Variants in KALRN observed in about 807,000 individuals in gnomAD.
KALRN encodes kalirin RhoGEF kinase, also known as kalirin.
Under a neutral mutation model 353.7 loss-of-function variants are expected in KALRN, and 70 were observed. That is an observed-to-expected ratio of 0.20 (90% confidence interval 0.16 to 0.24). The LOEUF (loss-of-function observed/expected upper bound fraction) is 0.24, where lower values mean the gene tolerates loss of function less well. KALRN is among the 10% of genes least tolerant of loss of function. KALRN has a pLI of 1.00. For missense variants in KALRN, 2,791 were observed against 3,756.7 expected (o/e 0.74, Z 6.72); for synonymous variants, 1,391 against 1,434.8 (o/e 0.97, Z 0.69).
rs569014361 is a variant in KALRN, at chr3:124,420,146, G to A, written c.2543-2666G>A. The stretch of plus-strand genomic sequence containing the variant: ...TGTCTTCATCCATTTTATTTCCTGT[G>A]TTTTTCTCACATAAAACAACATCAA... On this transcript the variant is annotated intron_variant, in intron 14 of 59. Coordinates refer to ENST00000682506, the MANE Select transcript of KALRN (RefSeq NM_001388419.1). 5.3e-5 allele frequency among the ~76,000 whole-genome samples: 8 copies of A among 152,310 alleles called. No individual in the cohort carries two copies. In the South Asian group the frequency reaches 1.7e-3, roughly 32 times the overall value.
intron 1 of KALRN, among the ~76,000 whole-genome samples, 200 bp downstream of exon 1, chr3:124,034,013 G>A (rs1057076366): frequency 6.6e-6 from 1 of 151,618 alleles, no homozygotes; most frequent in African/African-American, 2.4e-5. Context: ...GTGGGGGCTG[G>A]GAACTCCGCG....
chr3:124,647,809 C>T (rs1178508578), intron 37 of KALRN, among the ~76,000 whole-genome samples: 2 of 152,156 alleles, frequency 1.3e-5, no homozygotes, highest in Non-Finnish European at 2.9e-5. Flanking sequence ...TATAGGTGCC[C>T]AGAGAGGGGG....
intron 3 of KALRN, among the ~76,000 whole-genome samples, chr3:124,262,071 C>G (rs1488439247): frequency 6.6e-6 from 1 of 152,014 alleles, no homozygotes; most frequent in Non-Finnish European, 1.5e-5. Context: ...AATTCTATGA[C>G]CAGTGCTGGT....
chr3:124,113,466 G>A lies in KALRN; in HGVS notation c.73+79653G>A, dbSNP rs1006210354. On this transcript the variant is annotated intron_variant, in intron 1 of 59. Transcript: ENST00000682506. ...ATAGAATATGCATGTGAGGATCTGG[G>A]CTTTGAAAGAGGATAATCAAAAGTT... Among the ~76,000 whole-genome samples, 6 of 152,332 alleles carry A rather than the reference G, an allele frequency of 3.9e-5. No homozygotes were observed. In the South Asian group the frequency reaches 8.3e-4, roughly 21 times the overall value.
In KALRN at chr3:124,152,577, C is replaced by CTTTTCTTTTCT. The variant is rs112711226; in HGVS notation, c.74-75410_74-75409insTCTTTTCTTTT. 2.9e-4 allele frequency: 160 copies of CTTTTCTTTTCT among 561,200 alleles called. No homozygotes were observed. In the African/African-American group the frequency reaches 3.7e-3, roughly 13 times the overall value. The allele number at this position is 561,200 out of a possible 1,614,324, so 34.8% of individuals were successfully genotyped here. A position where few individuals can be genotyped will look rare whatever the true frequency, so the allele number is the denominator to read the frequency against. On this transcript the variant is annotated intron_variant, in intron 1 of 59. Coordinates refer to ENST00000682506, the MANE Select transcript of KALRN (RefSeq NM_001388419.1). The stretch of plus-strand genomic sequence containing the variant: ...CTTTTCTTTTCTTTTCTTTTCTTTT[C>CTTTTCTTTTCT]TTTCTTTCTTTCTTTCTTTTTTTTT...
At chr3:124,144,317 C>T (rs1367200067) in intron 1 of KALRN, among the ~76,000 whole-genome samples, 1 of 152,102 alleles carries the variant, frequency 6.6e-6, no homozygotes, top group Non-Finnish European at 1.5e-5. Flanking sequence ...GGCACGCATT[C>T]CCAGCAGAGA....
At chr3:124,501,435 G>A (rs190607871) in intron 33 of KALRN, among the ~76,000 whole-genome samples, 118 of 152,280 alleles carry the variant, frequency 7.7e-4, no homozygotes, top group Non-Finnish European at 1.1e-3. Context: ...CAATGTAGTG[G>A]GTCATGACCA....
chr3:124,689,575 C>A (rs2061717540), intron 51 of KALRN, among the ~76,000 whole-genome samples: 1 of 152,070 alleles, frequency 6.6e-6, no homozygotes. Context: ...CAACCTGTTT[C>A]TAAGGAAGGA....
Position 124,269,107 on chromosome 3 carries a change from C to A in KALRN, c.821C>A (p.Ala274Asp). 6.2e-7 allele frequency: 1 copy of A among 1,613,170 alleles called. No individual in the cohort carries two copies. The highest frequency in any genetic ancestry group is 8.5e-7 in the Non-Finnish European group (1 of 1,179,750). ...FSGRNCIPGS[A>D]DFQSLVPKIT... Reference sequence around the variant, plus strand: ...GGACGCAACTGCATCCCGGGCAGTGCTGACTTCCAGAGCCTGGTGCCCAAG... The same window carrying A: ...GGACGCAACTGCATCCCGGGCAGTGATGACTTCCAGAGCCTGGTGCCCAAG... Residue 274 changes from alanine (A) to aspartate (D), a missense_variant, in exon 5 of 60, where the codon GCT becomes GAT. By Grantham distance (126) the Ala-to-Asp change is moderately radical (BLOSUM62 -2). Around this residue, in one of 11 missense-constraint regions of KALRN, gnomAD observed 366 missense variants for 489.2 expected, o/e 0.75. Transcript: ENST00000682506.
intron 3 of KALRN, among the ~76,000 whole-genome samples, chr3:124,243,480 G>T (rs779697220): frequency 1.3e-5 from 2 of 152,210 alleles, no homozygotes; most frequent in Non-Finnish European, 2.9e-5. Context: ...TGCCTGTAGC[G>T]ATAAATCAAG....
rs1361569918 is a variant in KALRN, at chr3:124,347,320, G to GTGTGTGTA, written c.1770+56_1770+57insGTGTGTAT. On this transcript the variant is annotated intron_variant, in intron 10 of 59. Coordinates refer to ENST00000682506, the MANE Select transcript of KALRN (RefSeq NM_001388419.1). ...TGTGTGTGTGTGTGTGTGTGTGTGT[G>GTGTGTGTA]TCTAGATGAGGGAGGCATGATGACT... The GTGTGTGTA allele has an allele frequency of 3.0e-5, 45 of 1,515,464 alleles. 1 individual carries two copies. The East Asian group carries it at 1.1e-3, about 37-fold the overall frequency. 93.9% of individuals were successfully genotyped at this position (1,515,464 alleles called of 1,614,324 possible). A position where few individuals can be genotyped will look rare whatever the true frequency, so the allele number is the denominator to read the frequency against.
chr3:124,715,688 G>C (rs1432006240), intron 58 of KALRN, among the ~76,000 whole-genome samples: 3 of 152,202 alleles, frequency 2.0e-5, no homozygotes, highest in Non-Finnish European at 4.4e-5. Context: ...AGGTAAACTT[G>C]ACCAGGGGGA....
chr3:124,310,716 A>C (rs1026736711), intron 6 of KALRN, among the ~76,000 whole-genome samples: 2 of 152,224 alleles, frequency 1.3e-5, no homozygotes, highest in Admixed American at 1.3e-4. Context: ...TCATAAGCAA[A>C]AGAATGATGT....
rs1363142629 is a variant in KALRN at position 124,679,573 on chromosome 3, T to C, written c.7377+56T>C. 3 of 1,415,212 alleles carry C rather than the reference T, an allele frequency of 2.1e-6. No homozygotes were observed. In the African/African-American group the frequency reaches 4.2e-5, roughly 20 times the overall value. The allele number at this position is 1,415,212 out of a possible 1,614,324, so 87.7% of individuals were successfully genotyped here. On this transcript the variant is annotated intron_variant, in intron 51 of 59. Coordinates refer to ENST00000682506, the MANE Select transcript of KALRN (RefSeq NM_001388419.1). ...ACAATGATTGCCTTTTTTGATGTGT[T>C]CTGTAACAGTGACCTTGCTAAAATG...
chr3:124,461,804 A>G (rs2059891453), intron 23 of KALRN, 86 bp from the exon 24 acceptor site: 7 of 917,060 alleles, frequency 7.6e-6, no homozygotes, highest in Admixed American at 6.0e-5. Flanking sequence ...TAAGAATGTC[A>G]TACATGCTGG....
chr3:124,227,757 C>T (rs146121043), intron 1 of KALRN, among the ~76,000 whole-genome samples: 1 of 125,690 alleles, frequency 8.0e-6, no homozygotes, highest in African/African-American at 3.0e-5. Context: ...TTGGATTGTC[C>T]TCTCCTTGAG....
At chr3:124,445,310 G>T (rs1383836262) in intron 19 of KALRN, among the ~76,000 whole-genome samples, 3 of 152,076 alleles carry the variant, frequency 2.0e-5, no homozygotes, top group African/African-American at 7.2e-5. Context: ...ATCTAATATA[G>T]CAACAGGAAG....
chr3:124,323,741 A>G lies in KALRN; in HGVS notation c.1093-2239A>G, dbSNP rs575648620. On this transcript the variant is annotated intron_variant, in intron 6 of 59. Coordinates refer to ENST00000682506, the MANE Select transcript of KALRN (RefSeq NM_001388419.1). ...GCCAGAGTATACAAGGCCTTTCTCCAGGACAGGAAAACCCAAAAACCTAGA... is the reference window on the plus strand; with the variant it reads ...GCCAGAGTATACAAGGCCTTTCTCCGGGACAGGAAAACCCAAAAACCTAGA... Among the ~76,000 whole-genome samples, 176 of 152,286 alleles carry G rather than the reference A, an allele frequency of 1.2e-3. 1 individual carries two copies. The highest frequency in any genetic ancestry group is 4.2e-3 in the African/African-American group (174 of 41,568).
At chr3:124,447,568 A>G (rs1295056319) in intron 21 of KALRN, among the ~76,000 whole-genome samples, 1 of 152,170 alleles carries the variant, frequency 6.6e-6, no homozygotes, top group Non-Finnish European at 1.5e-5. Flanking sequence ...TAACGTCCTC[A>G]TCTCTCACAC....
Sources: gnomAD v4.1 joint callset for allele counts (sites outside exome capture counted in the v4.1 genomes callset) on GRCh38, gnomAD v4.1.1 for gene constraint, gnomAD v4.1.1 regional missense constraint, MANE v1.5 for transcripts, NCBI Gene and HGNC (gene_info 2026-07-23, HGNC 2026-07-21) for gene names.